The following RTN1 variants were observed in gnomAD, a reference collection of about 807,000 sequenced individuals.
RTN1 encodes the protein reticulon 1, also known as reticulon-1.
In RTN1, 25 loss-of-function variants were observed where a neutral mutation model predicts 65.5. That is an observed-to-expected ratio of 0.38 (90% CI 0.28 to 0.53). The LOEUF is 0.53. Ranked by LOEUF, RTN1 falls within the 20% of genes least tolerant of loss-of-function variation. The probability of loss-of-function intolerance (pLI) is 0.79; values close to 1 mark genes in which losing one functional copy is unlikely to be tolerated. For missense variants in RTN1, 983 were observed against 1,025.4 expected (o/e 0.96, Z 0.57); for synonymous variants, 471 against 447.6 (o/e 1.05, Z -0.66).
At chr14:59,698,253 T>C (rs1374135737) in intron 3 of RTN1, among the ~76,000 whole-genome samples, 1 of 152,174 alleles carries the variant, frequency 6.6e-6, no homozygotes, top group African/African-American at 2.4e-5. Flanking sequence ...ACTCTGAACC[T>C]TTTGTACAGT....
At chr14:59,612,111 G>A (rs1881968803) in intron 3 of RTN1, among the ~76,000 whole-genome samples, 1 of 152,232 alleles carries the variant, frequency 6.6e-6, no homozygotes, top group Non-Finnish European at 1.5e-5. Flanking sequence ...GATATTGGGT[G>A]CTGAATGAGG....
chr14:59,795,451 A>T (rs1301372803), intron 1 of RTN1, among the ~76,000 whole-genome samples: 1 of 152,188 alleles, frequency 6.6e-6, no homozygotes, highest in Non-Finnish European at 1.5e-5. Context: ...CTGTAATCCT[A>T]ACACTGCAGG....
intron 3 of RTN1, among the ~76,000 whole-genome samples, chr14:59,714,958 C>G (rs1884503509): frequency 6.6e-6 from 1 of 152,200 alleles, no homozygotes; most frequent in Non-Finnish European, 1.5e-5. Flanking sequence ...TTATTGTAAA[C>G]TGCACAAGCA....
intron 1 of RTN1, among the ~76,000 whole-genome samples, chr14:59,751,636 T>A (rs1458739293): frequency 6.6e-6 from 1 of 152,142 alleles, no homozygotes; most frequent in Non-Finnish European, 1.5e-5. Flanking sequence ...AGGTGGTTTA[T>A]TTGGTTTCCA....
intron 3 of RTN1, among the ~76,000 whole-genome samples, chr14:59,677,038 C>A (rs1883641747): frequency 6.6e-6 from 1 of 152,208 alleles, no homozygotes; most frequent in Admixed American, 6.5e-5. Flanking sequence ...GCGCCCTGCT[C>A]CATTCCTATC....
chr14:59,713,951 A>C (rs993521214), intron 3 of RTN1, among the ~76,000 whole-genome samples: 1 of 152,144 alleles, frequency 6.6e-6, no homozygotes, highest in Non-Finnish European at 1.5e-5. Flanking sequence ...AATTAGACTA[A>C]TAGGCCGGGT....
At chr14:59,686,194 A>T (rs1883843743) in intron 3 of RTN1, among the ~76,000 whole-genome samples, 1 of 152,188 alleles carries the variant, frequency 6.6e-6, no homozygotes. Context: ...CTTAAACATA[A>T]CACTTGAAAC....
At position 59,757,181 on chromosome 14, in the gene RTN1, T is replaced by C. The variant is rs533962329; in HGVS notation, c.242-10700A>G. ...CCCCAAAGATGATAGTATTAGGAGA[T>C]GGGACCTTTGGGAGGTGAGGAGATC... On this transcript the variant is annotated intron_variant, in intron 1 of 8. Coordinates refer to ENST00000267484, the MANE Select transcript of RTN1 (RefSeq NM_021136.3). 8.5e-5 allele frequency among the ~76,000 whole-genome samples: 13 copies of C among 152,242 alleles called. No individual in the cohort carries two copies. In the South Asian group the frequency reaches 2.7e-3, roughly 32 times the overall value.
chr14:59,625,925 A>G (rs1882384516), intron 3 of RTN1, among the ~76,000 whole-genome samples: 1 of 151,938 alleles, frequency 6.6e-6, no homozygotes, highest in South Asian at 2.1e-4. Context: ...ACTAAGGGGG[A>G]AAAAAAATCC....
At chr14:59,787,983 T>G (rs1886282654) in intron 1 of RTN1, among the ~76,000 whole-genome samples, 1 of 152,220 alleles carries the variant, frequency 6.6e-6, no homozygotes, top group Non-Finnish European at 1.5e-5. Context: ...TTGCACTAGA[T>G]GGGATCTTTC....
At chr14:59,663,570 T>C (rs961661589) in intron 3 of RTN1, among the ~76,000 whole-genome samples, 1 of 152,072 alleles carries the variant, frequency 6.6e-6, no homozygotes, top group Non-Finnish European at 1.5e-5. Flanking sequence ...AGAAAATTTT[T>C]GCAATCTGTC....
At chr14:59,795,358 T>G in intron 1 of RTN1, among the ~76,000 whole-genome samples, 1 of 152,294 alleles carries the variant, frequency 6.6e-6, no homozygotes, top group Non-Finnish European at 1.5e-5. Context: ...TAAATACTAA[T>G]GTGGGCAATG....
Position 59,728,046 on chromosome 14 carries a change from T to C in RTN1, c.1016-378A>G, listed in dbSNP as rs369417670. ...TCTGATTCATTCTCTCAGGGAACTT[T>C]TTCAATTTCACAGATTTTATCAGAT... On this transcript the variant is annotated intron_variant, in intron 2 of 8. Transcript: ENST00000267484. Among the ~76,000 whole-genome samples the C allele has an allele frequency of 2.5e-4, 38 of 152,286 alleles. No homozygotes were observed. In the East Asian group the frequency reaches 4.3e-3, roughly 17 times the overall value.
At chr14:59,804,380 T>G (rs1886599365) in intron 1 of RTN1, among the ~76,000 whole-genome samples, 1 of 152,194 alleles carries the variant, frequency 6.6e-6, no homozygotes, top group African/African-American at 2.4e-5. Context: ...GCTGGTGATA[T>G]TAACCTTGGT....
intron 3 of RTN1, among the ~76,000 whole-genome samples, chr14:59,692,157 A>G (rs1883975385): frequency 6.6e-6 from 1 of 152,170 alleles, no homozygotes; most frequent in Admixed American, 6.6e-5. Context: ...CTTTGTAGAC[A>G]ATATGATTCC....
At chr14:59,700,432 A>G (rs1884153792) in intron 3 of RTN1, among the ~76,000 whole-genome samples, 1 of 152,170 alleles carries the variant, frequency 6.6e-6, no homozygotes, top group Non-Finnish European at 1.5e-5. Flanking sequence ...ATATTGAGAA[A>G]GAAGAACAAA....
chr14:59,672,630 T>C (rs912708131), intron 3 of RTN1, among the ~76,000 whole-genome samples: 8 of 112,952 alleles, frequency 7.1e-5, no homozygotes, highest in South Asian at 6.0e-4. Context: ...TATTTCTTTT[T>C]TTTTTTTTTT....
intron 1 of RTN1, among the ~76,000 whole-genome samples, chr14:59,806,831 T>G (rs1436849346): frequency 2.0e-5 from 3 of 152,254 alleles, no homozygotes; most frequent in Admixed American, 2.0e-4. Context: ...TATTCCATGG[T>G]GTATATGTAC....
chr14:59,789,897 G>A (rs1467719906), intron 1 of RTN1, among the ~76,000 whole-genome samples: 52 of 151,932 alleles, frequency 3.4e-4, no homozygotes, highest in Admixed American at 3.4e-3. Flanking sequence ...AATAAAGCAA[G>A]TTGCAAAATT....
Sources: allele counts gnomAD v4.1 joint callset (sites outside exome capture counted in the v4.1 genomes callset), GRCh38; gene constraint gnomAD v4.1.1; transcripts MANE v1.5; gene names NCBI Gene and HGNC (gene_info 2026-07-23, HGNC 2026-07-21).